Variants in PNKD observed in about 807,000 individuals in gnomAD.
The protein encoded by PNKD is probable thioesterase PNKD.
In PNKD, 36 loss-of-function variants were observed where a neutral mutation model predicts 45.3. The ratio of observed to expected loss-of-function variants is 0.80; its 90% CI spans 0.61 to 1.05. PNKD has a LOEUF of 1.05. Ranked by LOEUF, PNKD falls within the 50% of genes least tolerant of loss-of-function variation. PNKD has a pLI of 0.00. For missense variants in PNKD, 511 were observed against 506.6 expected (o/e 1.01, Z -0.08); for synonymous variants, 197 against 210.1 (o/e 0.94, Z 0.54).
chr2:218,278,415 T>G, intron 2 of PNKD: 1 of 1,229,472 alleles, frequency 8.1e-7, no homozygotes, highest in Non-Finnish European at 1.2e-6. Flanking sequence ...TCTTGTAAGT[T>G]TCCATTCAGC....
At chr2:218,343,143 A>T (rs1008956988) in intron 7 of PNKD, among the ~76,000 whole-genome samples, 16 of 152,232 alleles carry the variant, frequency 1.1e-4, no homozygotes, top group African/African-American at 3.9e-4. Flanking sequence ...GGTGAGGATC[A>T]CAAGTCCCAG....
At chr2:218,275,428 G>C in intron 2 of PNKD, 1 of 1,586,950 alleles carries the variant, frequency 6.3e-7, no homozygotes, top group Non-Finnish European at 8.6e-7. Context: ...CAGCCCTCTA[G>C]CTTGGAAGGG....
At chr2:218,282,064 AT>A (rs1355604521) in intron 2 of PNKD, 1 of 1,597,162 alleles carries the variant, frequency 6.3e-7, no homozygotes, top group African/African-American at 1.3e-5. Flanking sequence ...ATGGCTGCCC[AT>A]AGCCCCCAGG....
intron 2 of PNKD, among the ~76,000 whole-genome samples, chr2:218,325,101 G>A (rs1477753607): frequency 7.3e-6 from 1 of 137,926 alleles, no homozygotes; most frequent in Non-Finnish European, 1.5e-5. Flanking sequence ...GGGTTTCACC[G>A]TGTTGGTCAG....
At chr2:218,296,005 G>A (rs1014578520) in intron 2 of PNKD, among the ~76,000 whole-genome samples, 3 of 151,792 alleles carry the variant, frequency 2.0e-5, no homozygotes, top group Admixed American at 2.0e-4. Context: ...GCACCACCAC[G>A]CCCGGCTAAT....
chr2:218,315,423 C>T (rs941281819), intron 2 of PNKD, among the ~76,000 whole-genome samples: 2 of 152,162 alleles, frequency 1.3e-5, no homozygotes, highest in Non-Finnish European at 2.9e-5. Flanking sequence ...TCCCAAAGTG[C>T]TGGGATTCCA....
At chr2:218,295,909 G>A (rs574861659) in intron 2 of PNKD, among the ~76,000 whole-genome samples, 2 of 149,548 alleles carry the variant, frequency 1.3e-5, no homozygotes, top group Admixed American at 6.7e-5. Context: ...ACAGTAGTGC[G>A]ATCTTGGCTC....
intron 2 of PNKD, 56 bp downstream of exon 2, chr2:218,271,605 A>T (rs1162430811): frequency 6.7e-7 from 1 of 1,502,462 alleles, no homozygotes; most frequent in African/African-American, 1.4e-5. Flanking sequence ...AGGGGAGGGC[A>T]GGACTTAGAA....
intron 8 of PNKD, 73 bp from the exon 9 acceptor site, chr2:218,344,382 G>A (rs2106298211): frequency 8.8e-7 from 1 of 1,130,338 alleles, no homozygotes; most frequent in East Asian, 2.6e-5. Context: ...CTGGACCTGG[G>A]GCAGGGAAGA....
intron 2 of PNKD, chr2:218,274,512 G>A (rs1020608918): frequency 3.9e-5 from 6 of 154,406 alleles, no homozygotes; most frequent in African/African-American, 1.4e-4. Flanking sequence ...GAACCCAGAA[G>A]TCTTCAGTAC....
In PNKD at chr2:218,340,249, C is replaced by G. The variant is rs953492644; in HGVS notation, c.465+108C>G. On this transcript the variant is annotated intron_variant, in intron 4 of 9. Transcript: ENST00000273077. The surrounding 1 kb of genome is among the most constrained non-coding windows in gnomAD (Gnocchi z 4.2). ...TGTCCGTCTGCCCGTGGGATGTGTC[C>G]CATATGCTCCATGTTCACACGTGCA... The G allele has an allele frequency of 1.4e-6, 1 of 732,552 alleles. No homozygotes were observed. The highest frequency in any genetic ancestry group is 1.7e-5 in the African/African-American group (1 of 58,566). The allele number at this position is 732,552 out of a possible 1,614,324, so 45.4% of individuals were successfully genotyped here.
chr2:218,334,833 T>C (rs1209676424), intron 2 of PNKD: 6 of 689,944 alleles, frequency 8.7e-6, no homozygotes, highest in Non-Finnish European at 1.3e-5. Flanking sequence ...AGTGGTTATT[T>C]TGTGAAGGAG....
intron 2 of PNKD, chr2:218,280,211 C>A: frequency 1.0e-6 from 1 of 967,772 alleles, no homozygotes; most frequent in South Asian, 1.3e-5. Flanking sequence ...CTCAAAGTCT[C>A]AGGGATCTCC....
intron 2 of PNKD, among the ~76,000 whole-genome samples, chr2:218,317,356 T>C (rs530329267): frequency 2.1e-3 from 319 of 152,322 alleles, no homozygotes; most frequent in African/African-American, 7.2e-3. Flanking sequence ...ACTTGAAAAC[T>C]GCTGTGCTAT....
chr2:218,290,538 C>T (rs1029217463), intron 2 of PNKD, among the ~76,000 whole-genome samples: 1 of 152,222 alleles, frequency 6.6e-6, no homozygotes, highest in African/African-American at 2.4e-5. Flanking sequence ...GGGTCCTCCC[C>T]TTCCCCCATT....
chr2:218,312,848 G>A (rs138493857), intron 2 of PNKD, among the ~76,000 whole-genome samples: 24 of 151,978 alleles, frequency 1.6e-4, no homozygotes, highest in African/African-American at 5.3e-4. Flanking sequence ...ACTCCAGCCC[G>A]GGTGACAGAG....
intron 2 of PNKD, among the ~76,000 whole-genome samples, chr2:218,324,900 C>T (rs1261254928): frequency 6.7e-6 from 1 of 150,190 alleles, no homozygotes; most frequent in African/African-American, 2.5e-5. Flanking sequence ...GCAGCCATTG[C>T]ACTCCAGCCT....
intron 2 of PNKD, among the ~76,000 whole-genome samples, chr2:218,298,323 A>G (rs958894318): frequency 7.9e-5 from 12 of 152,178 alleles, no homozygotes; most frequent in Non-Finnish European, 1.6e-4. Context: ...GTGAATCAGA[A>G]TCTTCAGTGG....
chr2:218,297,705 A>AAAG, intron 2 of PNKD, among the ~76,000 whole-genome samples: 2 of 144,516 alleles, frequency 1.4e-5, no homozygotes, highest in Admixed American at 7.0e-5. Flanking sequence ...AAAAAAAAAA[A>AAAG]AAGAGAGAAG....
Sources: allele counts gnomAD v4.1 joint callset (sites outside exome capture counted in the v4.1 genomes callset), GRCh38; gene constraint gnomAD v4.1.1; non-coding constraint Gnocchi (gnomAD v3.1); transcripts MANE v1.5; gene names NCBI Gene and HGNC (gene_info 2026-07-23, HGNC 2026-07-21).